TSHZ2: variants seen among roughly 807,000 people sequenced by gnomAD.
TSHZ2 encodes the protein teashirt zinc finger homeobox 2.
In TSHZ2, 21 loss-of-function variants were observed where a neutral mutation model predicts 74.4. The observed-to-expected ratio is 0.28, with a 90% CI of 0.20 to 0.41. The LOEUF is 0.41. Among genes scored for constraint, TSHZ2 ranks in the 10% least tolerant of loss-of-function variants. The probability of loss-of-function intolerance (pLI) is 1.00; values close to 1 mark genes in which losing one functional copy is unlikely to be tolerated. For missense variants in TSHZ2, 1,244 were observed against 1,293.5 expected (o/e 0.96, Z 0.59); for synonymous variants, 540 against 515.3 (o/e 1.05, Z -0.65).
chr20:53,274,741 A>G (rs1004605635), intron 2 of TSHZ2, among the ~76,000 whole-genome samples: 1 of 152,206 alleles, frequency 6.6e-6, no homozygotes, highest in Non-Finnish European at 1.5e-5. Context: ...CGCATCACAC[A>G]TGCAGAAACG....
At chr20:53,129,392 CT>C (rs2123377685) in intron 1 of TSHZ2, among the ~76,000 whole-genome samples, 1 of 152,160 alleles carries the variant, frequency 6.6e-6, no homozygotes, top group East Asian at 1.9e-4. Context: ...GGATCATCAC[CT>C]AGCATTAAAA....
intron 1 of TSHZ2, among the ~76,000 whole-genome samples, chr20:52,977,243 C>T (rs1216167797): frequency 6.6e-6 from 1 of 152,112 alleles, no homozygotes; most frequent in Non-Finnish European, 1.5e-5. Context: ...CTTTAATTTA[C>T]TGTCAAGTGG....
At chr20:53,299,722 A>T (rs1220862354) in intron 2 of TSHZ2, among the ~76,000 whole-genome samples, 1 of 152,206 alleles carries the variant, frequency 6.6e-6, no homozygotes, top group East Asian at 1.9e-4. Flanking sequence ...TTTTGACCAC[A>T]TGTCCCTACT....
chr20:53,278,477 T>C (rs146032986), intron 2 of TSHZ2, among the ~76,000 whole-genome samples: 1 of 152,164 alleles, frequency 6.6e-6, no homozygotes, highest in East Asian at 1.9e-4. Flanking sequence ...ATTTGAAGTA[T>C]ACCCTCCTGT....
chr20:52,978,294 C>T (rs567372624), intron 1 of TSHZ2, among the ~76,000 whole-genome samples: 1 of 152,300 alleles, frequency 6.6e-6, no homozygotes, highest in South Asian at 2.1e-4. Flanking sequence ...CACTGTTCAT[C>T]ACTGCAGCTG....
intron 2 of TSHZ2, among the ~76,000 whole-genome samples, chr20:53,380,135 GGA>G (rs949147116): frequency 2.1e-5 from 2 of 93,088 alleles, no homozygotes; most frequent in East Asian, 2.3e-4. Context: ...GTTGATGGTT[GGA>G]GAGTGTGTGT....
Position 53,488,925 on chromosome 20 carries a change from C to A in TSHZ2, c.*1790C>A. The A allele has an allele frequency of 2.2e-6, 1 of 451,496 alleles. No individual in the cohort carries two copies. The highest frequency in any genetic ancestry group is 4.5e-6 in the Non-Finnish European group (1 of 224,002). The allele number at this position is 451,496 out of a possible 1,614,324, so 28.0% of individuals were successfully genotyped here. ...AGCAAATTGCTTTTTTTATGGCATG[C>A]ATAACCTAGATGGGAAAAAATATGG... On this transcript the variant is annotated 3_prime_UTR_variant, in exon 3 of 3. Transcript: ENST00000371497.
intron 2 of TSHZ2, among the ~76,000 whole-genome samples, chr20:53,331,467 T>C (rs904068401): frequency 6.6e-5 from 10 of 152,038 alleles, no homozygotes; most frequent in African/African-American, 9.7e-5. Context: ...AAAATCCTGA[T>C]ACCAGGTGGC....
At chr20:53,436,201 G>A (rs910432429) in intron 2 of TSHZ2, among the ~76,000 whole-genome samples, 2 of 152,182 alleles carry the variant, frequency 1.3e-5, no homozygotes, top group African/African-American at 4.8e-5. Context: ...GACTCAAAGA[G>A]CAAGCTATGA....
At chr20:53,024,575 C>A (rs1193377635) in intron 1 of TSHZ2, among the ~76,000 whole-genome samples, 3 of 151,922 alleles carry the variant, frequency 2.0e-5, no homozygotes, top group East Asian at 3.9e-4. Context: ...TATACACGTG[C>A]CATGGTGGTT....
Position 53,254,939 on chromosome 20 carries a change from C to T in TSHZ2, c.1481C>T (p.Pro494Leu). The part of the protein sequence containing the change: ...YEDPLQKPLD[P>L]TIKYQYLREE... Reference sequence around the variant, plus strand: ...GATCCTCTACAAAAACCTTTAGACCCTACAATCAAATATCAATACCTAAGG... The same window carrying T: ...GATCCTCTACAAAAACCTTTAGACCTTACAATCAAATATCAATACCTAAGG... Residue 494 changes from proline (P) to leucine (L), a missense_variant, in exon 2 of 3, where the codon CCT (proline) becomes CTT (leucine). Transcript: ENST00000371497. 1 of 1,613,846 alleles carries T rather than the reference C, an allele frequency of 6.2e-7. No individual in the cohort carries two copies. The highest frequency in any genetic ancestry group is 1.3e-5 in the African/African-American group (1 of 74,970).
chr20:53,093,418 T>C lies in TSHZ2; in HGVS notation c.40+120085T>C, dbSNP rs1000382143. Among the ~76,000 whole-genome samples the C allele has an allele frequency of 3.8e-4, 58 of 152,246 alleles. 1 individual carries two copies. Among genetic ancestry groups the C allele is most frequent in the Non-Finnish European group, 1.0e-4 (7 of 68,044 alleles). ...TTCTGCTTAAAGCCTTTCCGTGGTT[T>C]CCCACGCCTTTCACTATGGCCTGAT... On this transcript the variant is annotated intron_variant, in intron 1 of 2. Coordinates refer to ENST00000371497, the MANE Select transcript of TSHZ2 (RefSeq NM_173485.6).
At chr20:53,216,848 C>T (rs1244900654) in intron 1 of TSHZ2, among the ~76,000 whole-genome samples, 1 of 152,158 alleles carries the variant, frequency 6.6e-6, no homozygotes, top group African/African-American at 2.4e-5. Flanking sequence ...TAAAAGTGAA[C>T]ACACCCTTCA....
At chr20:53,462,665 A>G (rs751906050) in intron 2 of TSHZ2, among the ~76,000 whole-genome samples, 2 of 152,222 alleles carry the variant, frequency 1.3e-5, no homozygotes, top group African/African-American at 4.8e-5. Flanking sequence ...TTTAAAATAC[A>G]TATCATAGCT....
intron 2 of TSHZ2, among the ~76,000 whole-genome samples, chr20:53,443,599 C>T (rs376795298): frequency 3.3e-5 from 5 of 152,242 alleles, no homozygotes; most frequent in African/African-American, 7.2e-5. Context: ...CAGGTATCAT[C>T]TGTCTCACCC....
rs185877293 is a variant in TSHZ2 at position 53,280,913 on chromosome 20, C to T, written c.*8+24342C>T. On this transcript the variant is annotated intron_variant, in intron 2 of 2. Transcript: ENST00000371497. Reference sequence around the variant, plus strand: ...TTCCCTGTGTTAACCAGGGTGGTCTCGATCTCCTGACCTCGTGATCCGCCC... The same window carrying T: ...TTCCCTGTGTTAACCAGGGTGGTCTTGATCTCCTGACCTCGTGATCCGCCC... 4.4e-4 allele frequency among the ~76,000 whole-genome samples: 67 copies of T among 152,222 alleles called. 2 individuals are homozygous for T. The highest frequency in any genetic ancestry group is 3.5e-3 in the Admixed American group (54 of 15,288).
intron 1 of TSHZ2, among the ~76,000 whole-genome samples, chr20:53,024,378 A>G (rs1019975916): frequency 1.3e-5 from 2 of 151,254 alleles, no homozygotes; most frequent in African/African-American, 4.9e-5. Context: ...GGAACCAGGC[A>G]TACGTGATAA....
chr20:52,995,022 G>A (rs1274125621), intron 1 of TSHZ2, among the ~76,000 whole-genome samples: 2 of 152,196 alleles, frequency 1.3e-5, no homozygotes, highest in African/African-American at 4.8e-5. Context: ...AAGACACATA[G>A]TGGAGCCAGG....
chr20:53,241,873 G>T (rs781320110), intron 1 of TSHZ2, among the ~76,000 whole-genome samples: 2 of 152,176 alleles, frequency 1.3e-5, no homozygotes, highest in Non-Finnish European at 2.9e-5. Context: ...AGGTGGGCTT[G>T]CTGTAGACCT....
Sources: allele counts gnomAD v4.1 joint callset (sites outside exome capture counted in the v4.1 genomes callset), GRCh38; gene constraint gnomAD v4.1.1; transcripts MANE v1.5; gene names NCBI Gene and HGNC (gene_info 2026-07-23, HGNC 2026-07-21).